The following HMGCS1 variants were observed in gnomAD, a reference collection of about 807,000 sequenced individuals.
HMGCS1 encodes 3-hydroxy-3-methylglutaryl-CoA synthase 1, also known as hydroxymethylglutaryl-CoA synthase, cytoplasmic.
A neutral mutation model predicts 52.3 loss-of-function variants in HMGCS1; 9 were observed. That is an observed-to-expected ratio of 0.17 (90% confidence interval 0.10 to 0.30). The LOEUF is 0.30. Ranked by LOEUF, HMGCS1 falls within the 10% of genes least tolerant of loss-of-function variation. The pLI, the probability that HMGCS1 is intolerant of heterozygous loss-of-function variation, is 1.00. For missense variants in HMGCS1, 320 were observed against 620.9 expected (o/e 0.52, Z 5.15); for synonymous variants, 176 against 214.4 (o/e 0.82, Z 1.57).
chr5:43,299,163 C>A (rs1000953099), intron 2 of HMGCS1, among the ~76,000 whole-genome samples, 188 bp from the exon 3 acceptor site: 3 of 152,102 alleles, frequency 2.0e-5, no homozygotes, highest in African/African-American at 7.2e-5. Flanking sequence ...GGAATATTAT[C>A]ATTTAAAATT....
chr5:43,309,917 T>C (rs1186185899), intron 1 of HMGCS1, among the ~76,000 whole-genome samples: 1 of 152,228 alleles, frequency 6.6e-6, no homozygotes, highest in Admixed American at 6.5e-5. Context: ...AATGGTAGTT[T>C]CTTCTGGAGT....
intron 9 of HMGCS1, 73 bp from the exon 10 acceptor site, chr5:43,292,710 G>C: frequency 6.6e-7 from 1 of 1,515,562 alleles, no homozygotes; most frequent in Non-Finnish European, 9.1e-7. Flanking sequence ...CTAAAGATAA[G>C]TTTCATATAT....
chr5:43,304,795 A>G (rs770222746), intron 2 of HMGCS1, among the ~76,000 whole-genome samples: 8 of 152,182 alleles, frequency 5.3e-5, no homozygotes, highest in Non-Finnish European at 1.0e-4. Flanking sequence ...AATATTACTC[A>G]TTCTCTGAGG....
chr5:43,304,351 T>G (rs1293604752), intron 2 of HMGCS1, among the ~76,000 whole-genome samples: 1 of 152,238 alleles, frequency 6.6e-6, no homozygotes, highest in Admixed American at 6.5e-5. Context: ...TTTTTAACAC[T>G]ATTGGAAATA....
chr5:43,295,735 A>AT lies in HMGCS1; in HGVS notation c.905+16dup. 6.3e-7 allele frequency: 1 copy of AT among 1,590,078 alleles called. No individual in the cohort carries two copies. ...GCTCTAATATAGAAGGAAAAAACTC[A>AT]TAATAGCTCCTCTTACCCAAAGGCT... On this transcript the variant is annotated intron_variant, in intron 6 of 10. Transcript: ENST00000325110.
At position 43,310,231 on chromosome 5, in the gene HMGCS1, T is replaced by C. The variant is rs182620059; in HGVS notation, c.-69-2407A>G. 2.6e-5 allele frequency among the ~76,000 whole-genome samples: 4 copies of C among 152,324 alleles called. No homozygotes were observed. In the East Asian group the frequency reaches 5.8e-4, roughly 22 times the overall value. The stretch of plus-strand genomic sequence containing the variant: ...CATCCCTGCCTCCTCCCAGAGTTAC[T>C]GGTCTGCGTATCAGAGATTCTACTC... On this transcript the variant is annotated intron_variant, in intron 1 of 10. Coordinates refer to ENST00000325110, the MANE Select transcript of HMGCS1 (RefSeq NM_001098272.3).
chr5:43,291,079 A>ACCCCCCCCCCCAACCCC lies in HMGCS1; in HGVS notation c.*51_*52insGGGGTTGGGGGGGGGGG. 1 of 780,104 alleles carries ACCCCCCCCCCCAACCCC rather than the reference A, an allele frequency of 1.3e-6. No individual in the cohort carries two copies. Among genetic ancestry groups the ACCCCCCCCCCCAACCCC allele is most frequent in the Non-Finnish European group, 2.3e-6 (1 of 430,614 alleles). 48.3% of individuals were successfully genotyped at this position (780,104 alleles called of 1,614,324 possible). A position where few individuals can be genotyped will look rare whatever the true frequency, so the allele number is the denominator to read the frequency against. On this transcript the variant is annotated 3_prime_UTR_variant, in exon 11 of 11. Transcript: ENST00000325110. ...ATCCCATTCCTCCAACTGTTCCCAT[A>ACCCCCCCCCCCAACCCC]CCCCCACCCCATGCCCACCCCACCC...
chr5:43,301,238 T>C (rs749339045), intron 2 of HMGCS1, among the ~76,000 whole-genome samples: 4 of 152,204 alleles, frequency 2.6e-5, no homozygotes, highest in Non-Finnish European at 5.9e-5. Context: ...AAACTTTACT[T>C]GTCTATTGGA....
intron 2 of HMGCS1, among the ~76,000 whole-genome samples, chr5:43,301,912 A>G (rs1254861749): frequency 6.6e-6 from 1 of 152,222 alleles, no homozygotes; most frequent in Non-Finnish European, 1.5e-5. Context: ...TGACAAGCAC[A>G]CTGTCAGATA....
chr5:43,302,712 G>C (rs966081213), intron 2 of HMGCS1, among the ~76,000 whole-genome samples: 1 of 152,170 alleles, frequency 6.6e-6, no homozygotes, highest in African/African-American at 2.4e-5. Flanking sequence ...GGAACCAAAT[G>C]GACTGGGAAG....
rs1176271330 is a variant in HMGCS1, at chr5:43,289,063, T to C, written c.*2068A>G. On this transcript the variant is annotated 3_prime_UTR_variant, in exon 11 of 11. Transcript: ENST00000325110. ...TTAAGGAAAACAGTAACTCATTTCA[T>C]AAATATTTATAGCAAAGTCTATATA... The C allele has an allele frequency of 6.6e-6, 1 of 152,226 alleles. No homozygotes were observed. Among genetic ancestry groups the C allele is most frequent in the East Asian group, 1.9e-4 (1 of 5,198 alleles). 9.4% of individuals were successfully genotyped at this position (152,226 alleles called of 1,614,324 possible).
intron 2 of HMGCS1, among the ~76,000 whole-genome samples, chr5:43,300,252 G>A (rs1293497667): frequency 6.6e-6 from 1 of 152,206 alleles, no homozygotes; most frequent in East Asian, 1.9e-4. Context: ...CAGTTTTAGA[G>A]AAAGAATCCT....
intron 5 of HMGCS1, 132 bp downstream of exon 5, chr5:43,296,870 G>C (rs1754054736): frequency 1.5e-6 from 1 of 654,958 alleles, no homozygotes; most frequent in Non-Finnish European, 2.6e-6. Context: ...AATGTTGTTT[G>C]GTGAATGAGG....
At chr5:43,312,537 T>A (rs536525012) in intron 1 of HMGCS1, among the ~76,000 whole-genome samples, 1 of 152,328 alleles carries the variant, frequency 6.6e-6, no homozygotes, top group South Asian at 2.1e-4. Context: ...TATACTTGCT[T>A]TGAAATATCC....
At position 43,289,085 on chromosome 5, in the gene HMGCS1, T is replaced by C. The variant is rs1753619482; in HGVS notation, c.*2046A>G. On this transcript the variant is annotated 3_prime_UTR_variant, in exon 11 of 11. Coordinates refer to ENST00000325110, the MANE Select transcript of HMGCS1 (RefSeq NM_001098272.3). ...TCATAAATATTTATAGCAAAGTCTA[T>C]ATATGCTTGCCACGCAATTTGAGAG... The C allele has an allele frequency of 6.6e-6, 1 of 152,242 alleles. No individual in the cohort carries two copies. Among genetic ancestry groups the C allele is most frequent in the African/African-American group, 2.4e-5 (1 of 41,464 alleles). 9.4% of individuals were successfully genotyped at this position (152,242 alleles called of 1,614,324 possible). A position where few individuals can be genotyped will look rare whatever the true frequency, so the allele number is the denominator to read the frequency against.
Position 43,290,287 on chromosome 5 carries a change from C to T in HMGCS1, c.*844G>A, listed in dbSNP as rs1466248417. 1 of 152,472 alleles carries T rather than the reference C, an allele frequency of 6.6e-6. No homozygotes were observed. Among genetic ancestry groups the T allele is most frequent in the Non-Finnish European group, 1.5e-5 (1 of 68,006 alleles). The allele number at this position is 152,472 out of a possible 1,614,324, so 9.4% of individuals were successfully genotyped here. A position where few individuals can be genotyped will look rare whatever the true frequency, so the allele number is the denominator to read the frequency against. On this transcript the variant is annotated 3_prime_UTR_variant, in exon 11 of 11. Coordinates refer to ENST00000325110, the MANE Select transcript of HMGCS1 (RefSeq NM_001098272.3). Reference sequence around the variant, plus strand: ...TTCATTTATTCTTTAAAATAAGGTGCAAAGAAGGACTGCAACAACAAACTC... The same window carrying T: ...TTCATTTATTCTTTAAAATAAGGTGTAAAGAAGGACTGCAACAACAAACTC...
intron 1 of HMGCS1, among the ~76,000 whole-genome samples, chr5:43,311,856 A>G (rs2111762984): frequency 6.6e-6 from 1 of 152,336 alleles, no homozygotes; most frequent in East Asian, 1.9e-4. Flanking sequence ...AGACCTTCTG[A>G]GTGCTGGGGT....
intron 10 of HMGCS1, among the ~76,000 whole-genome samples, chr5:43,292,168 T>C (rs1237009189): frequency 1.3e-5 from 2 of 151,958 alleles, no homozygotes; most frequent in African/African-American, 4.8e-5. Context: ...AATTTTTGTA[T>C]TTTTAGTAGA....
At position 43,313,041 on chromosome 5, in the gene HMGCS1, CCT is replaced by C. The variant is rs553792305; in HGVS notation, c.-70+313_-70+314del. ...ACTCACCTCTAGGCGGTCACAGCTG[CCT>C]CTCTGGCACCTCCAACTCCTCTGTC... On this transcript the variant is annotated intron_variant, in intron 1 of 10. Transcript: ENST00000325110. The C allele has an allele frequency of 3.8e-3, 578 of 153,232 alleles. 3 individuals are homozygous for C. Among genetic ancestry groups the C allele is most frequent in the Middle Eastern group, 0.014 (4 of 296 alleles). The allele number at this position is 153,232 out of a possible 1,614,324, so 9.5% of individuals were successfully genotyped here.
Sources: gnomAD v4.1 joint callset for allele counts (sites outside exome capture counted in the v4.1 genomes callset) on GRCh38, gnomAD v4.1.1 for gene constraint, MANE v1.5 for transcripts, NCBI Gene and HGNC (gene_info 2026-07-23, HGNC 2026-07-21) for gene names.